Variants in ENO1 observed in about 807,000 individuals in gnomAD.
The protein encoded by ENO1 is alpha-enolase.
In ENO1, 33 loss-of-function variants were observed where a neutral mutation model predicts 46.3. That is an observed-to-expected ratio of 0.71 (90% CI 0.54 to 0.95). The LOEUF (loss-of-function observed/expected upper bound fraction) is 0.95, where lower values mean the gene tolerates loss of function less well. ENO1 is among the 40% of genes least tolerant of loss of function. The pLI, the probability that ENO1 is intolerant of heterozygous loss-of-function variation, is 0.00. For synonymous variants in ENO1, 220 were observed against 216.0 expected, an observed-to-expected ratio of 1.02 and a Z score of -0.16; for missense variants, 488 against 553.3, an observed-to-expected ratio of 0.88 and a Z score of 1.18.
chr1:8,874,231 C>T (rs1055812069), intron 2 of ENO1, among the ~76,000 whole-genome samples: 1 of 152,196 alleles, frequency 6.6e-6, no homozygotes, highest in African/African-American at 2.4e-5. Flanking sequence ...TATCACCTTA[C>T]TTCCTTACTT....
At chr1:8,862,385 C>A (rs1200967474) in intron 11 of ENO1, among the ~76,000 whole-genome samples, 1 of 147,132 alleles carries the variant, frequency 6.8e-6, no homozygotes, top group African/African-American at 2.5e-5. Flanking sequence ...GGGTGGCGGG[C>A]GGGGGGACAA....
At chr1:8,868,860 T>C (rs78191713) in intron 4 of ENO1, among the ~76,000 whole-genome samples, 3,815 of 148,300 alleles carry the variant, frequency 0.026, 159 homozygotes, top group African/African-American at 0.089. Flanking sequence ...TTTTTTTTTA[T>C]AGAGATGGGC....
chr1:8,872,697 T>C (rs796580447), intron 2 of ENO1, among the ~76,000 whole-genome samples: 3 of 152,252 alleles, frequency 2.0e-5, no homozygotes, highest in East Asian at 3.9e-4. Context: ...ACTATATTGA[T>C]GTTAAGCATA....
At chr1:8,875,595 A>T (rs1389819904) in intron 1 of ENO1, among the ~76,000 whole-genome samples, 3 of 152,250 alleles carry the variant, frequency 2.0e-5, no homozygotes, top group African/African-American at 7.2e-5. Flanking sequence ...AAGTTTGGAC[A>T]TAATTCTTCA....
chr1:8,865,523 G>A (rs374194071), intron 7 of ENO1, 41 bp from the exon 8 acceptor site: 1 of 1,602,792 alleles, frequency 6.2e-7, no homozygotes, highest in Non-Finnish European at 8.5e-7. Flanking sequence ...AAACAGGTAG[G>A]TACAGAGAAA....
At chr1:8,867,642 G>A (rs1287200917) in intron 5 of ENO1, among the ~76,000 whole-genome samples, 7 of 151,652 alleles carry the variant, frequency 4.6e-5, no homozygotes, top group South Asian at 2.1e-4. Context: ...TGCAAGCTCC[G>A]CCCGGGACCA....
intron 2 of ENO1, among the ~76,000 whole-genome samples, chr1:8,872,586 T>C (rs778895237): frequency 4.6e-5 from 7 of 152,152 alleles, no homozygotes; most frequent in Admixed American, 2.6e-4. Context: ...TTTCACCATG[T>C]TGGCCAGGCT....
intron 5 of ENO1, among the ~76,000 whole-genome samples, 186 bp from the exon 6 acceptor site, chr1:8,867,436 GC>G (rs1642543995): frequency 6.6e-6 from 1 of 152,184 alleles, no homozygotes. Context: ...CTAAGACAGA[GC>G]CCAACTCCAG....
At position 8,865,385 on chromosome 1, in the gene ENO1, C is replaced by A. The variant is rs754933023; in HGVS notation, c.765G>T (p.Gly255=). The A allele has an allele frequency of 6.2e-7, 1 of 1,614,176 alleles. No homozygotes were observed. The change falls in exon 8 of 12, where the codon GGG becomes GGT. Residue 255 remains glycine, a synonymous_variant. Transcript: ENST00000234590. The part of the protein sequence containing the change: ...DVAASEFFRS[G]KYDLDFKSPD... The stretch of plus-strand genomic sequence containing the variant: ...GAGACTTGAAGTCCAGGTCATACTT[C>A]CCAGACCTGAAGAACTCGGAGGCCG...
chr1:8,876,704 A>G (rs1642739366), intron 1 of ENO1, among the ~76,000 whole-genome samples: 3 of 151,984 alleles, frequency 2.0e-5, no homozygotes, highest in Non-Finnish European at 4.4e-5. Flanking sequence ...AGGCTGAGGC[A>G]GAAGAATGGT....
chr1:8,865,580 A>G (rs1319998184), intron 7 of ENO1, 98 bp from the exon 8 acceptor site: 1 of 1,216,068 alleles, frequency 8.2e-7, no homozygotes, highest in Non-Finnish European at 1.2e-6. Flanking sequence ...ACAAAGATCA[A>G]CAGGTGTTCA....
chr1:8,875,014 A>G (rs529706882), intron 1 of ENO1, 97 bp from the exon 2 acceptor site: 2 of 1,011,884 alleles, frequency 2.0e-6, no homozygotes, highest in Non-Finnish European at 3.0e-6. Flanking sequence ...TGGACTAGAG[A>G]GAATCAGCAC....
chr1:8,871,617 T>A, intron 3 of ENO1: 1 of 1,238,326 alleles, frequency 8.1e-7, no homozygotes, highest in South Asian at 2.2e-5. Flanking sequence ...GTCCTAACCG[T>A]GAAGGAGTAT....
intron 3 of ENO1, chr1:8,871,328 C>T (rs1020031006): frequency 2.0e-6 from 2 of 992,174 alleles, no homozygotes; most frequent in African/African-American, 3.5e-5. Flanking sequence ...TGTTCTATCT[C>T]TAGAAAGGTC....
At position 8,867,132 on chromosome 1, in the gene ENO1, G is replaced by A; in HGVS notation, c.429C>T (p.Val143=). ...HIADLAGNSE[V]ILPVPAFNVI... is the part of the protein sequence containing the mutation. Reference sequence around the variant, plus strand: ...AACCACTCACCGGGACTGGCAGGATGACTTCAGAGTTGCCAGCCAAGTCAG... The same window carrying A: ...AACCACTCACCGGGACTGGCAGGATAACTTCAGAGTTGCCAGCCAAGTCAG... The change falls in exon 6 of 12, where the codon GTC becomes GTT. Residue 143 remains valine, a synonymous_variant. Coordinates refer to ENST00000234590, the MANE Select transcript of ENO1 (RefSeq NM_001428.5). 6.2e-7 allele frequency: 1 copy of A among 1,613,968 alleles called. No individual in the cohort carries two copies. The highest frequency in any genetic ancestry group is 8.5e-7 in the Non-Finnish European group (1 of 1,179,838).
At chr1:8,866,120 G>A in intron 7 of ENO1, 159 bp downstream of exon 7, 8 of 527,344 alleles carry the variant, frequency 1.5e-5, no homozygotes, top group South Asian at 1.3e-4. Context: ...ATAAAATGAA[G>A]CTCCCCTTTT....
At chr1:8,870,178 T>G in intron 4 of ENO1, 1 of 457,386 alleles carries the variant, frequency 2.2e-6, no homozygotes. Flanking sequence ...TGGATCTTAA[T>G]TTCTTCAAAG....
chr1:8,873,874 C>T (rs1177396143), intron 2 of ENO1: 6 of 152,190 alleles, frequency 3.9e-5, no homozygotes, highest in Admixed American at 3.3e-4. Flanking sequence ...CTGTCCATCG[C>T]GCCATGTGCT....
In ENO1 at chr1:8,877,267, A is replaced by G. The variant is rs570790704; in HGVS notation, c.-10+1313T>C. On this transcript the variant is annotated intron_variant, in intron 1 of 11. Transcript: ENST00000234590. ...GCGCCTGGTCGATTTTTGTATTTTCAGTAGAGACGGGGTTTCACCACGTTG... is the reference window on the plus strand; with the variant it reads ...GCGCCTGGTCGATTTTTGTATTTTCGGTAGAGACGGGGTTTCACCACGTTG... Among the ~76,000 whole-genome samples, 10 of 146,890 alleles carry G rather than the reference A, an allele frequency of 6.8e-5. No homozygotes were observed. In the East Asian group the frequency reaches 1.9e-3, roughly 27 times the overall value.
Sources: allele counts gnomAD v4.1 joint callset (sites outside exome capture counted in the v4.1 genomes callset), GRCh38; gene constraint gnomAD v4.1.1; transcripts MANE v1.5; gene names NCBI Gene and HGNC (gene_info 2026-07-23, HGNC 2026-07-21).